KIF13B: variants seen among roughly 807,000 people sequenced by gnomAD.
KIF13B encodes kinesin family member 13B, also known as kinesin-like protein KIF13B.
KIF13B carries 127 observed loss-of-function variants against 222.0 expected under a neutral mutation model. The observed-to-expected ratio is 0.57, with a 90% CI of 0.50 to 0.66. The LOEUF (loss-of-function observed/expected upper bound fraction) is 0.66, where lower values mean the gene tolerates loss of function less well. Among genes scored for constraint, KIF13B ranks in the 30% least tolerant of loss-of-function variants. The pLI is 0.00. For synonymous variants in KIF13B, 976 were observed against 919.0 expected, an observed-to-expected ratio of 1.06 and a Z score of -1.12; for missense variants, 2,173 against 2,379.0, an observed-to-expected ratio of 0.91 and a Z score of 1.80.
intron 37 of KIF13B, among the ~76,000 whole-genome samples, chr8:29,079,764 T>C (rs1407561648): frequency 1.3e-5 from 2 of 152,232 alleles, no homozygotes; most frequent in Admixed American, 1.3e-4. Flanking sequence ...TTTCAGAAAT[T>C]CTTAAATGTC....
At chr8:29,124,235 C>T (rs1468003579) in intron 26 of KIF13B, 112 bp from the exon 27 acceptor site, 1 of 616,460 alleles carries the variant, frequency 1.6e-6, no homozygotes, top group African/African-American at 1.9e-5. Context: ...AGGTAGTATA[C>T]AATAATTTCT....
At position 29,140,319 on chromosome 8, in the gene KIF13B, C is replaced by G. The variant is rs1810757321; in HGVS notation, c.2485-128G>C. Reference sequence around the variant, plus strand: ...GTATGGGAATTTAGAGGCCTAGTCTCTGACAGTTACTCTACCCTAAGAGTC... The same window carrying G: ...GTATGGGAATTTAGAGGCCTAGTCTGTGACAGTTACTCTACCCTAAGAGTC... On this transcript the variant is annotated intron_variant, in intron 20 of 39. Coordinates refer to ENST00000524189, the MANE Select transcript of KIF13B (RefSeq NM_015254.4). 2.1e-6 allele frequency: 3 copies of G among 1,408,094 alleles called. 1 individual carries two copies. The East Asian group carries it at 7.2e-5, about 34-fold the overall frequency. 87.2% of individuals were successfully genotyped at this position (1,408,094 alleles called of 1,614,324 possible).
intron 37 of KIF13B, among the ~76,000 whole-genome samples, chr8:29,080,490 A>G (rs1807760005): frequency 6.6e-6 from 1 of 152,176 alleles, no homozygotes; most frequent in Non-Finnish European, 1.5e-5. Context: ...CCTGGCCTGA[A>G]GCCTGTGAAC....
intron 2 of KIF13B, among the ~76,000 whole-genome samples, chr8:29,240,405 A>T (rs1242152988): frequency 6.6e-6 from 1 of 152,164 alleles, no homozygotes; most frequent in African/African-American, 2.4e-5. Flanking sequence ...GGAAAGAAGA[A>T]GATCAAATTC....
At position 29,105,656 on chromosome 8, in the gene KIF13B, T is replaced by TTA. The variant is rs1306442860; in HGVS notation, c.4215+2482_4215+2483insTA. On this transcript the variant is annotated intron_variant, in intron 35 of 39. Coordinates refer to ENST00000524189, the MANE Select transcript of KIF13B (RefSeq NM_015254.4). ...ACTGGGCAGAGTTTGTTTGGTTTTT[T>TTA]TTTTTTTTTTTTTTTTTTTTGAGAC... Among the ~76,000 whole-genome samples, 2 of 98,942 alleles carry TTA rather than the reference T, an allele frequency of 2.0e-5. 1 individual carries two copies. Among genetic ancestry groups the TTA allele is most frequent in the Non-Finnish European group, 4.7e-5 (2 of 42,432 alleles). 64.9% of individuals were successfully genotyped at this position (98,942 alleles called of 152,430 possible). A position where few individuals can be genotyped will look rare whatever the true frequency, so the allele number is the denominator to read the frequency against.
At chr8:29,096,886 C>A (rs1199786938) in intron 36 of KIF13B, among the ~76,000 whole-genome samples, 4 of 151,572 alleles carry the variant, frequency 2.6e-5, no homozygotes, top group African/African-American at 9.7e-5. Flanking sequence ...TTTATTAACC[C>A]AAAAGAAGGT....
At chr8:29,202,079 A>C (rs1279028974) in intron 2 of KIF13B, among the ~76,000 whole-genome samples, 1 of 152,208 alleles carries the variant, frequency 6.6e-6, no homozygotes, top group African/African-American at 2.4e-5. Context: ...AACATTGATA[A>C]AGTAGAGTAT....
intron 31 of KIF13B, among the ~76,000 whole-genome samples, chr8:29,114,014 C>T (rs546787042): frequency 1.5e-4 from 23 of 152,254 alleles, no homozygotes; most frequent in Non-Finnish European, 2.5e-4. Flanking sequence ...AAAGCAAGAT[C>T]GTTATGAGGA....
In KIF13B at chr8:29,144,909, A is replaced by G. The variant is rs145363290; in HGVS notation, c.2187+1469T>C. On this transcript the variant is annotated intron_variant, in intron 18 of 39. Transcript: ENST00000524189. ...TTCCAGGCGTTGACATGGCTGCCCC[A>G]GTGCAGAGCCACACCTTTCAACAAA... Among the ~76,000 whole-genome samples the G allele has an allele frequency of 2.3e-4, 35 of 152,348 alleles. 1 individual carries two copies. The East Asian group carries it at 6.7e-3, about 29-fold the overall frequency.
At position 29,148,563 on chromosome 8, in the gene KIF13B, C is replaced by A. The variant is rs1811163210; in HGVS notation, c.1813+14G>T. Reference sequence around the variant, plus strand: ...ACTGGAACTGATTCTCAAGTGCACGCCCGACTTGCTCACCATTGCTGCCCA... The same window carrying A: ...ACTGGAACTGATTCTCAAGTGCACGACCGACTTGCTCACCATTGCTGCCCA... On this transcript the variant is annotated intron_variant, in intron 16 of 39. Coordinates refer to ENST00000524189, the MANE Select transcript of KIF13B (RefSeq NM_015254.4). 8 of 1,569,162 alleles carry A rather than the reference C, an allele frequency of 5.1e-6. No homozygotes were observed. The highest frequency in any genetic ancestry group is 6.9e-6 in the Non-Finnish European group (8 of 1,155,332).
intron 6 of KIF13B, among the ~76,000 whole-genome samples, chr8:29,182,698 A>G (rs757752611): frequency 2.6e-5 from 4 of 152,076 alleles, no homozygotes; most frequent in Non-Finnish European, 5.9e-5. Context: ...TTAATAATAT[A>G]AACCAAAAAT....
intron 7 of KIF13B, 75 bp from the exon 8 acceptor site, chr8:29,180,313 A>T: frequency 6.9e-7 from 1 of 1,452,584 alleles, no homozygotes; most frequent in Non-Finnish European, 9.6e-7. Context: ...ATACTACAAA[A>T]TTCATTGCAA....
chr8:29,145,960 C>A, intron 18 of KIF13B: 1 of 259,644 alleles, frequency 3.9e-6, no homozygotes, highest in Non-Finnish European at 7.3e-6. Flanking sequence ...AACTAATGAG[C>A]AGTTTTACAG....
intron 2 of KIF13B, among the ~76,000 whole-genome samples, chr8:29,237,755 T>G (rs895620440): frequency 9.9e-5 from 15 of 152,218 alleles, no homozygotes; most frequent in African/African-American, 3.6e-4. Flanking sequence ...ACTACCTGCT[T>G]CCATTAATTA....
chr8:29,205,300 T>A lies in KIF13B; in HGVS notation c.150-9101A>T, dbSNP rs961694915. The stretch of plus-strand genomic sequence containing the variant: ...CATTAGAAAATCTGGATTTTCAAAT[T>A]CTCTTGAAAATTCAGAAGACTTGGA... On this transcript the variant is annotated intron_variant, in intron 2 of 39. Transcript: ENST00000524189. Among the ~76,000 whole-genome samples, 4 of 152,122 alleles carry A rather than the reference T, an allele frequency of 2.6e-5. No individual in the cohort carries two copies. In the East Asian group the frequency reaches 7.7e-4, roughly 29 times the overall value.
chr8:29,257,540 A>C (rs1297272702), intron 1 of KIF13B, among the ~76,000 whole-genome samples: 1 of 152,206 alleles, frequency 6.6e-6, no homozygotes, highest in African/African-American at 2.4e-5. Context: ...TGAGAGGGTA[A>C]AAGCTAATGC....
chr8:29,228,283 G>A (rs1044988758), intron 2 of KIF13B, among the ~76,000 whole-genome samples: 5 of 150,712 alleles, frequency 3.3e-5, no homozygotes, highest in Non-Finnish European at 7.4e-5. Context: ...GGCTAACACG[G>A]TGAAACCCTG....
intron 2 of KIF13B, among the ~76,000 whole-genome samples, chr8:29,203,908 A>AG (rs1485927700): frequency 6.6e-6 from 1 of 151,204 alleles, no homozygotes; most frequent in Admixed American, 6.6e-5. Context: ...AAAAAAAAAA[A>AG]AAAAAAGATA....
intron 2 of KIF13B, among the ~76,000 whole-genome samples, chr8:29,242,976 G>A (rs1431899931): frequency 6.6e-6 from 1 of 152,192 alleles, no homozygotes; most frequent in Non-Finnish European, 1.5e-5. Flanking sequence ...TTGCAAAGCT[G>A]AAATTTCTCT....
Sources: allele counts gnomAD v4.1 joint callset (sites outside exome capture counted in the v4.1 genomes callset), GRCh38; gene constraint gnomAD v4.1.1; transcripts MANE v1.5; gene names NCBI Gene and HGNC (gene_info 2026-07-23, HGNC 2026-07-21).